NUS1: variants seen among roughly 807,000 people sequenced by gnomAD.
NUS1 encodes the protein NUS1 dehydrodolichyl diphosphate synthase subunit, also known as dehydrodolichyl diphosphate synthase complex subunit NUS1.
For synonymous variants in NUS1, 135 were observed against 155.2 expected, an observed-to-expected ratio of 0.87 and a Z score of 0.97; for missense variants, 292 against 382.9, an observed-to-expected ratio of 0.76 and a Z score of 1.98.
At chr6:117,681,163 T>C (rs1367722249) in intron 1 of NUS1, among the ~76,000 whole-genome samples, 2 of 152,348 alleles carry the variant, frequency 1.3e-5, no homozygotes, top group Middle Eastern at 3.4e-3. Context: ...CTTTCTTGAC[T>C]ATTCACTCCG....
intron 1 of NUS1, among the ~76,000 whole-genome samples, chr6:117,692,446 TA>T (rs926858685): frequency 6.6e-6 from 1 of 152,126 alleles, no homozygotes; most frequent in Non-Finnish European, 1.5e-5. Context: ...TGACAGTAGT[TA>T]ACAGTGTTAA....
chr6:117,693,861 G>A (rs190643806), intron 2 of NUS1, among the ~76,000 whole-genome samples, 170 bp from the exon 3 acceptor site: 450 of 152,280 alleles, frequency 3.0e-3, no homozygotes, highest in Middle Eastern at 0.014. Flanking sequence ...TCCTTTCAGA[G>A]GAGAATAGCT....
chr6:117,701,914 C>T (rs1470489394), intron 3 of NUS1, among the ~76,000 whole-genome samples: 1 of 151,978 alleles, frequency 6.6e-6, no homozygotes, highest in Non-Finnish European at 1.5e-5. Context: ...CAATGATTTC[C>T]ACATTGGTTA....
chr6:117,692,080 G>T (rs572001666), intron 1 of NUS1, among the ~76,000 whole-genome samples: 1 of 151,910 alleles, frequency 6.6e-6, no homozygotes, highest in South Asian at 2.1e-4. Context: ...TGTTCTATGG[G>T]GTGAGGAAAG....
intron 3 of NUS1, among the ~76,000 whole-genome samples, chr6:117,701,543 C>T (rs1377884225): frequency 2.6e-5 from 4 of 152,034 alleles, no homozygotes; most frequent in Admixed American, 1.3e-4. Flanking sequence ...CACGCCCGGC[C>T]GGGTTCTAAT....
At chr6:117,683,488 A>G (rs1315916178) in intron 1 of NUS1, among the ~76,000 whole-genome samples, 2 of 152,152 alleles carry the variant, frequency 1.3e-5, no homozygotes, top group East Asian at 1.9e-4. Context: ...TCGTTTTATA[A>G]TTGAGTTGTT....
chr6:117,676,585 G>GTAAA (rs563133348), intron 1 of NUS1, among the ~76,000 whole-genome samples: 9 of 152,190 alleles, frequency 5.9e-5, no homozygotes, highest in South Asian at 4.1e-4. Context: ...TCTCAAATAA[G>GTAAA]TAAATAAATA....
In NUS1 at chr6:117,709,192, A is replaced by G. The variant is rs1371532853; in HGVS notation, c.*2177A>G. 2.0e-5 allele frequency: 3 copies of G among 152,444 alleles called. No homozygotes were observed. The highest frequency in any genetic ancestry group is 1.9e-4 in the East Asian group (1 of 5,184). 9.4% of individuals were successfully genotyped at this position (152,444 alleles called of 1,614,324 possible). On this transcript the variant is annotated 3_prime_UTR_variant, in exon 5 of 5. Transcript: ENST00000368494. The stretch of plus-strand genomic sequence containing the variant: ...CTGTAATTCCTGCCAAAAGCATCAC[A>G]AGTTGTACATCATCAAGGCTCCCTT...
intron 4 of NUS1, among the ~76,000 whole-genome samples, chr6:117,706,124 T>G (rs1317525079): frequency 6.6e-6 from 1 of 152,194 alleles, no homozygotes; most frequent in African/African-American, 2.4e-5. Context: ...TTACAGATGT[T>G]TTTCATGTTA....
intron 1 of NUS1, among the ~76,000 whole-genome samples, chr6:117,680,601 C>A (rs1425838239): frequency 6.6e-6 from 1 of 152,166 alleles, no homozygotes; most frequent in Admixed American, 6.5e-5. Context: ...GAACTGGGAC[C>A]TGGGCGTCTC....
chr6:117,708,085 A>G lies in NUS1; in HGVS notation c.*1070A>G, dbSNP rs1276471691. 3 of 152,238 alleles carry G rather than the reference A, an allele frequency of 2.0e-5. No individual in the cohort carries two copies. The highest frequency in any genetic ancestry group is 4.4e-5 in the Non-Finnish European group (3 of 68,028). 9.4% of individuals were successfully genotyped at this position (152,238 alleles called of 1,614,324 possible). ...AATAGCACATTTTAGGGGCATGGTT[A>G]ATACCTGAGATTTTTACTCAGTAAA... On this transcript the variant is annotated 3_prime_UTR_variant, in exon 5 of 5. Transcript: ENST00000368494.
At chr6:117,697,436 C>G (rs1773335617) in intron 3 of NUS1, among the ~76,000 whole-genome samples, 1 of 151,992 alleles carries the variant, frequency 6.6e-6, no homozygotes, top group Non-Finnish European at 1.5e-5. Context: ...TAAAGACACA[C>G]AGACTGAAAA....
intron 3 of NUS1, among the ~76,000 whole-genome samples, chr6:117,698,445 A>G (rs1177330465): frequency 6.6e-6 from 1 of 152,170 alleles, no homozygotes; most frequent in Admixed American, 6.5e-5. Context: ...TCCTAGACCT[A>G]CAACCCACCA....
At chr6:117,683,845 A>G (rs1356232663) in intron 1 of NUS1, among the ~76,000 whole-genome samples, 2 of 152,238 alleles carry the variant, frequency 1.3e-5, no homozygotes, top group Admixed American at 1.3e-4. Context: ...TGAGGAATGC[A>G]GATAAGATTT....
intron 1 of NUS1, among the ~76,000 whole-genome samples, chr6:117,680,970 A>G (rs983153390): frequency 3.9e-5 from 6 of 152,202 alleles, no homozygotes; most frequent in Non-Finnish European, 7.3e-5. Context: ...AGTGTATCCT[A>G]TCTTTTCAAC....
intron 1 of NUS1, among the ~76,000 whole-genome samples, chr6:117,691,577 A>G (rs1017274414): frequency 6.8e-6 from 1 of 146,400 alleles, no homozygotes; most frequent in African/African-American, 2.5e-5. Context: ...ATATATATAT[A>G]TATATATATA....
intron 1 of NUS1, among the ~76,000 whole-genome samples, chr6:117,682,416 A>G (rs34928052): frequency 0.44 from 66,194 of 151,860 alleles, 17,261 homozygotes; most frequent in Non-Finnish European, 0.6. Flanking sequence ...CCTGGGGAAT[A>G]TAGTGAGACC....
chr6:117,701,009 A>T (rs1276076145), intron 3 of NUS1, among the ~76,000 whole-genome samples: 1 of 151,300 alleles, frequency 6.6e-6, no homozygotes, highest in Non-Finnish European at 1.5e-5. Context: ...GTGTACAAAA[A>T]AAAAAATTGA....
At chr6:117,703,546 G>T in intron 3 of NUS1, 59 bp from the exon 4 acceptor site, 1 of 1,154,322 alleles carries the variant, frequency 8.7e-7, no homozygotes, top group Non-Finnish European at 1.3e-6. Flanking sequence ...GTGTTTCTGT[G>T]TGTGTGTGTG....
Sources: allele counts gnomAD v4.1 joint callset (sites outside exome capture counted in the v4.1 genomes callset), GRCh38; gene constraint gnomAD v4.1.1; transcripts MANE v1.5; gene names NCBI Gene and HGNC (gene_info 2026-07-23, HGNC 2026-07-21).